The following EXOSC7 variants were observed in gnomAD, a reference collection of about 807,000 sequenced individuals.
EXOSC7 encodes the protein exosome component 7.
In EXOSC7, 25 loss-of-function variants were observed where a neutral mutation model predicts 34.3. The ratio of observed to expected loss-of-function variants is 0.73; its 90% CI spans 0.53 to 1.02. The LOEUF (loss-of-function observed/expected upper bound fraction) is 1.02. EXOSC7 is among the 50% of genes least tolerant of loss of function. The probability of loss-of-function intolerance (pLI) is 0.00; values close to 1 mark genes in which losing one functional copy is unlikely to be tolerated. For synonymous variants in EXOSC7, 130 were observed against 143.0 expected, an observed-to-expected ratio of 0.91 and a Z score of 0.65; for missense variants, 370 against 368.5, an observed-to-expected ratio of 1.00 and a Z score of -0.03.
intron 1 of EXOSC7, among the ~76,000 whole-genome samples, chr3:44,987,761 G>A (rs1706462588): frequency 6.6e-6 from 1 of 152,204 alleles, no homozygotes; most frequent in East Asian, 1.9e-4. Flanking sequence ...TGGGTTAGAA[G>A]TTCAGAAACT....
chr3:44,986,355 C>T (rs1391642112), intron 1 of EXOSC7, among the ~76,000 whole-genome samples: 6 of 152,236 alleles, frequency 3.9e-5, no homozygotes, highest in African/African-American at 1.4e-4. Flanking sequence ...TGCCTGGGGC[C>T]AGCTGGCTGC....
At chr3:44,993,274 G>A (rs112850661) in intron 3 of EXOSC7, among the ~76,000 whole-genome samples, 1 of 152,152 alleles carries the variant, frequency 6.6e-6, no homozygotes, top group Non-Finnish European at 1.5e-5. Context: ...TACAGGCTCA[G>A]ACATGAGCAC....
chr3:44,979,464 G>A (rs1256722302), intron 1 of EXOSC7, among the ~76,000 whole-genome samples: 1 of 152,194 alleles, frequency 6.6e-6, no homozygotes, highest in Non-Finnish European at 1.5e-5. Flanking sequence ...AGAAGCAGTT[G>A]AAATTAACCT....
At chr3:44,985,905 T>C (rs1559742467) in intron 1 of EXOSC7, among the ~76,000 whole-genome samples, 1 of 152,044 alleles carries the variant, frequency 6.6e-6, no homozygotes, top group Non-Finnish European at 1.5e-5. Context: ...CCCAGTAGAT[T>C]AGCTAGATAC....
rs200975974 is a variant in EXOSC7, at chr3:44,989,564, C to G, written c.174C>G (p.Ile58Met). 2 of 1,613,960 alleles carry G rather than the reference C, an allele frequency of 1.2e-6. No homozygotes were observed. Among genetic ancestry groups the G allele is most frequent in the Admixed American group, 1.7e-5 (1 of 60,024 alleles). The change falls in exon 3 of 8, where the codon ATC becomes ATG. Residue 58 changes from isoleucine (I) to methionine (M), a missense_variant. Ile to Met is a conservative substitution (Grantham distance 10). Coordinates refer to ENST00000265564, the MANE Select transcript of EXOSC7 (RefSeq NM_015004.4). ...SARVKLGHTDILVGVKAEMGT... is the reference protein window; with the variant it reads ...SARVKLGHTDMLVGVKAEMGT... ...TGTGTCTGCAGGGTCACACAGACAT[C>G]TTGGTGGGAGTGAAAGCAGAAATGG...
chr3:44,976,361 G>A (rs763715015), intron 1 of EXOSC7, 27 bp downstream of exon 1: 1 of 1,559,126 alleles, frequency 6.4e-7, no homozygotes, highest in South Asian at 1.2e-5. Context: ...CGTTGGGTCG[G>A]CCGCCGGGTT....
intron 4 of EXOSC7, among the ~76,000 whole-genome samples, chr3:44,997,916 C>CA (rs1173336037): frequency 6.6e-6 from 1 of 152,204 alleles, no homozygotes; most frequent in Non-Finnish European, 1.5e-5. Context: ...CCCTGGGAGT[C>CA]TTTTGAGTCC....
At chr3:45,006,225 G>A (rs530716587) in intron 6 of EXOSC7, among the ~76,000 whole-genome samples, 6 of 150,786 alleles carry the variant, frequency 4.0e-5, no homozygotes, top group Non-Finnish European at 7.4e-5. Flanking sequence ...TTACAGGCAC[G>A]TGCCATCATG....
intron 1 of EXOSC7, among the ~76,000 whole-genome samples, chr3:44,987,941 A>G (rs1559743644): frequency 1.3e-5 from 2 of 152,222 alleles, no homozygotes; most frequent in African/African-American, 4.8e-5. Context: ...TTTTTAATAG[A>G]TATGTAGATA....
intron 1 of EXOSC7, among the ~76,000 whole-genome samples, chr3:44,986,471 C>A (rs573946584): frequency 1.3e-5 from 2 of 152,200 alleles, no homozygotes; most frequent in Non-Finnish European, 2.9e-5. Context: ...TTCCCACCCA[C>A]GCCTCTCCCT....
intron 1 of EXOSC7, among the ~76,000 whole-genome samples, chr3:44,982,148 C>T (rs1706287954): frequency 6.6e-6 from 1 of 152,232 alleles, no homozygotes; most frequent in Admixed American, 6.5e-5. Flanking sequence ...CTCTGGGCTC[C>T]TCCATATCAT....
intron 5 of EXOSC7, chr3:45,004,134 GT>G (rs956220309): frequency 3.3e-5 from 5 of 152,096 alleles, no homozygotes; most frequent in African/African-American, 1.2e-4. Flanking sequence ...AGTGTTCTGG[GT>G]TATAGGGTAT....
At chr3:45,001,137 A>G (rs562658627) in intron 4 of EXOSC7, among the ~76,000 whole-genome samples, 10 of 152,170 alleles carry the variant, frequency 6.6e-5, no homozygotes, top group African/African-American at 2.4e-4. Flanking sequence ...ACCACAGAAT[A>G]GATTTAGGGA....
chr3:45,009,158 A>G (rs768216621), intron 7 of EXOSC7, among the ~76,000 whole-genome samples: 10 of 152,220 alleles, frequency 6.6e-5, no homozygotes, highest in Non-Finnish European at 1.0e-4. Flanking sequence ...GCTGTCATAG[A>G]TGGCAGAACC....
At chr3:44,996,277 T>G (rs145660389) in intron 3 of EXOSC7, among the ~76,000 whole-genome samples, 3,332 of 136,300 alleles carry the variant, frequency 0.024, 74 homozygotes, top group Middle Eastern at 0.08. Flanking sequence ...ATATACATAT[T>G]AAGGGTTTGT....
chr3:44,989,387 T>C lies in EXOSC7; in HGVS notation c.159+146T>C, dbSNP rs1186797220. 4 of 823,228 alleles carry C rather than the reference T, an allele frequency of 4.9e-6. No individual in the cohort carries two copies. The African/African-American group carries it at 6.8e-5, about 14-fold the overall frequency. The allele number at this position is 823,228 out of a possible 1,614,324, so 51.0% of individuals were successfully genotyped here. ...GCCAAACTCAGGGAGGGGGGGTCTA[T>C]CCAGATCTGAAAAGACTGCTCACCT... On this transcript the variant is annotated intron_variant, in intron 2 of 7. Transcript: ENST00000265564.
At chr3:44,991,665 C>A (rs1022036465) in intron 3 of EXOSC7, among the ~76,000 whole-genome samples, 3 of 152,124 alleles carry the variant, frequency 2.0e-5, no homozygotes, top group Admixed American at 6.5e-5. Context: ...CCTTTCTTGT[C>A]CCAGCTGTAA....
At chr3:45,001,386 T>G in intron 4 of EXOSC7, 152 bp from the exon 5 acceptor site, 1 of 625,240 alleles carries the variant, frequency 1.6e-6, no homozygotes. Context: ...GAGGTTGCAG[T>G]TAGCCAAGAT....
chr3:44,981,604 G>A (rs1016393387), intron 1 of EXOSC7, among the ~76,000 whole-genome samples: 2 of 151,832 alleles, frequency 1.3e-5, no homozygotes, highest in African/African-American at 2.4e-5. Context: ...TGAAGGAATC[G>A]GGATTTTTCA....
Sources: gnomAD v4.1 joint callset for allele counts (sites outside exome capture counted in the v4.1 genomes callset) on GRCh38, gnomAD v4.1.1 for gene constraint, MANE v1.5 for transcripts, NCBI Gene and HGNC (gene_info 2026-07-23, HGNC 2026-07-21) for gene names.